The following SPIN1 variants were observed in gnomAD, a reference collection of about 807,000 sequenced individuals.
SPIN1 encodes spindlin-1.
In SPIN1, 3 loss-of-function variants were observed where a neutral mutation model predicts 26.0. The observed-to-expected ratio is 0.12, with a 90% CI of 0.05 to 0.30. SPIN1 has a LOEUF of 0.30. SPIN1 is among the 10% of genes least tolerant of loss of function. SPIN1 has a pLI of 1.00. For synonymous variants in SPIN1, 101 were observed against 116.5 expected, an observed-to-expected ratio of 0.87 and a Z score of 0.86; for missense variants, 126 against 333.4, an observed-to-expected ratio of 0.38 and a Z score of 4.84.
rs905653565 is a variant in SPIN1, at chr9:88,388,471, C to G, written c.-226C>G. On this transcript the variant is annotated 5_prime_UTR_variant, in exon 1 of 6. Coordinates refer to ENST00000375859, the MANE Select transcript of SPIN1 (RefSeq NM_006717.3). ...GGCGCCGTCTGGCTCAGGCTGGGGC[C>G]GGCGGGAGCGCGAACGAGCGACGGC... 6.8e-6 allele frequency: 1 copy of G among 147,922 alleles called. No homozygotes were observed. The highest frequency in any genetic ancestry group is 1.5e-5 in the Non-Finnish European group (1 of 66,458). 9.2% of individuals were successfully genotyped at this position (147,922 alleles called of 1,614,324 possible). A position where few individuals can be genotyped will look rare whatever the true frequency, so the allele number is the denominator to read the frequency against.
intron 1 of SPIN1, among the ~76,000 whole-genome samples, chr9:88,403,612 A>G (rs554462986): frequency 6.6e-6 from 1 of 152,192 alleles, no homozygotes; most frequent in African/African-American, 2.4e-5. Flanking sequence ...TCGGGAGGGT[A>G]ATGTGGGTGG....
intron 5 of SPIN1, among the ~76,000 whole-genome samples, chr9:88,472,712 C>T (rs1281932159): frequency 6.6e-6 from 1 of 152,208 alleles, no homozygotes; most frequent in African/African-American, 2.4e-5. Flanking sequence ...AGGATGGTCT[C>T]GATCTCCTGA....
chr9:88,446,023 A>G (rs1257306857), intron 2 of SPIN1, among the ~76,000 whole-genome samples: 2 of 151,924 alleles, frequency 1.3e-5, no homozygotes, highest in African/African-American at 4.8e-5. Context: ...TGGCATATTC[A>G]TGATGTATCT....
chr9:88,410,843 C>T lies in SPIN1; in HGVS notation c.-158-15539C>T, dbSNP rs1008847149. 10 of 917,460 alleles carry T rather than the reference C, an allele frequency of 1.1e-5. No individual in the cohort carries two copies. In the African/African-American group the frequency reaches 1.6e-4, roughly 15 times the overall value. The allele number at this position is 917,460 out of a possible 1,614,324, so 56.8% of individuals were successfully genotyped here. A position where few individuals can be genotyped will look rare whatever the true frequency, so the allele number is the denominator to read the frequency against. On this transcript the variant is annotated intron_variant, in intron 1 of 5. Coordinates refer to ENST00000375859, the MANE Select transcript of SPIN1 (RefSeq NM_006717.3). Reference sequence around the variant, plus strand: ...CCAGAGTTGTCATTCCCACTGAAACCACCTCCACGACCACCACGTTTCCAG... The same window carrying T: ...CCAGAGTTGTCATTCCCACTGAAACTACCTCCACGACCACCACGTTTCCAG...
chr9:88,410,860 C>T (rs1339836000), intron 1 of SPIN1: 15 of 928,128 alleles, frequency 1.6e-5, no homozygotes, highest in Middle Eastern at 3.2e-4. Flanking sequence ...ACGACCACCA[C>T]GTTTCCAGAA....
intron 1 of SPIN1, among the ~76,000 whole-genome samples, chr9:88,412,479 A>G (rs1377552676): frequency 6.6e-6 from 1 of 152,130 alleles, no homozygotes; most frequent in Non-Finnish European, 1.5e-5. Context: ...TCAAAGACCC[A>G]GAGAGACTGC....
chr9:88,473,665 G>A (rs911907653), intron 5 of SPIN1, among the ~76,000 whole-genome samples: 5 of 151,950 alleles, frequency 3.3e-5, no homozygotes, highest in South Asian at 2.1e-4. Flanking sequence ...GTGTGTGCAC[G>A]CGCTATGGAA....
In SPIN1 at chr9:88,462,560, T is replaced by A. The variant is rs777617889; in HGVS notation, c.166T>A (p.Cys56Ser). 6.2e-7 allele frequency: 1 copy of A among 1,614,182 alleles called. No homozygotes were observed. The highest frequency in any genetic ancestry group is 2.2e-5 in the East Asian group (1 of 44,884). ...CCAGCCCCGGCGGAACATCGTAGGCTGCAGGATTCAGCATGGGTGGAAAGA... is the reference window on the plus strand; with the variant it reads ...CCAGCCCCGGCGGAACATCGTAGGCAGCAGGATTCAGCATGGGTGGAAAGA... ...VSQPRRNIVG[C>S]RIQHGWKEGN... Residue 56 changes from cysteine (C) to serine (S), a missense_variant, in exon 4 of 6, where the codon TGC becomes AGC. Coordinates refer to ENST00000375859, the MANE Select transcript of SPIN1 (RefSeq NM_006717.3).
chr9:88,408,621 C>T (rs867882903), intron 1 of SPIN1, among the ~76,000 whole-genome samples: 13 of 151,430 alleles, frequency 8.6e-5, no homozygotes, highest in Admixed American at 3.3e-4. Flanking sequence ...ATGATCCACC[C>T]GCTTTGGCCT....
chr9:88,449,410 T>G (rs1041308852), intron 3 of SPIN1, among the ~76,000 whole-genome samples: 1 of 152,158 alleles, frequency 6.6e-6, no homozygotes, highest in Non-Finnish European at 1.5e-5. Context: ...CTGCCTAGCA[T>G]GGTGTCACAT....
chr9:88,422,800 C>T (rs1827695753), intron 1 of SPIN1, among the ~76,000 whole-genome samples: 1 of 151,722 alleles, frequency 6.6e-6, no homozygotes, highest in Non-Finnish European at 1.5e-5. Flanking sequence ...ACCTCTGCCT[C>T]CCGGGTTCAG....
rs142423417 is a variant in SPIN1, at chr9:88,429,812, C to T, written c.52+3221C>T. On this transcript the variant is annotated intron_variant, in intron 2 of 5. Coordinates refer to ENST00000375859, the MANE Select transcript of SPIN1 (RefSeq NM_006717.3). ...TGAAAGTCCTGATCCTTTAGTCATGCCTTGGTCCTACTAGAGACCAGTCCC... is the reference window on the plus strand; with the variant it reads ...TGAAAGTCCTGATCCTTTAGTCATGTCTTGGTCCTACTAGAGACCAGTCCC... Among the ~76,000 whole-genome samples the T allele has an allele frequency of 8.5e-5, 13 of 152,248 alleles. No homozygotes were observed. The East Asian group carries it at 1.5e-3, about 18-fold the overall frequency.
At chr9:88,407,512 A>G (rs1405868648) in intron 1 of SPIN1, among the ~76,000 whole-genome samples, 1 of 151,712 alleles carries the variant, frequency 6.6e-6, no homozygotes, top group African/African-American at 2.4e-5. Flanking sequence ...AGGTGTTAAA[A>G]TAAGCTATTG....
intron 1 of SPIN1, among the ~76,000 whole-genome samples, chr9:88,393,643 A>G (rs966128220): frequency 2.6e-5 from 4 of 151,098 alleles, no homozygotes; most frequent in Non-Finnish European, 5.9e-5. Flanking sequence ...TTTAGTAGAG[A>G]CGGGGGTTTC....
At chr9:88,441,398 C>CGCGCGTGTGTGTGTGTGTGTGTGT (rs757363030) in intron 2 of SPIN1, among the ~76,000 whole-genome samples, 8 of 137,800 alleles carry the variant, frequency 5.8e-5, no homozygotes, top group African/African-American at 2.3e-4. Context: ...TGCTGCCATT[C>CGCGCGTGTGTGTGTGTGTGTGTGT]GTGTGTGTGT....
rs1328414709 is a variant in SPIN1 at position 88,422,317 on chromosome 9, GTTTCCTTCAGTTT to G, written c.-158-4050_-158-4038del. Among the ~76,000 whole-genome samples the G allele has an allele frequency of 1.1e-4, 17 of 152,118 alleles. No homozygotes were observed. In the East Asian group the frequency reaches 1.5e-3, roughly 14 times the overall value. On this transcript the variant is annotated intron_variant, in intron 1 of 5. Coordinates refer to ENST00000375859, the MANE Select transcript of SPIN1 (RefSeq NM_006717.3). ...CTAACTCTGAATCTAAAATTTTTTT[GTTTCCTTCAGTTT>G]TTTCCTTCAGTTTTCATTTACAAAG...
At chr9:88,421,591 T>C (rs72755880) in intron 1 of SPIN1, among the ~76,000 whole-genome samples, 3,502 of 151,668 alleles carry the variant, frequency 0.023, 73 homozygotes, top group South Asian at 0.051. Context: ...AAGTGTCTTT[T>C]GTAGCTTTCG....
intron 2 of SPIN1, among the ~76,000 whole-genome samples, chr9:88,434,162 A>G (rs961961101): frequency 2.0e-5 from 3 of 152,118 alleles, no homozygotes; most frequent in African/African-American, 7.2e-5. Context: ...GAGTCTACAC[A>G]AAGTTCACTT....
At chr9:88,417,400 A>C (rs1330499997) in intron 1 of SPIN1, among the ~76,000 whole-genome samples, 1 of 152,188 alleles carries the variant, frequency 6.6e-6, no homozygotes, top group Non-Finnish European at 1.5e-5. Flanking sequence ...ACCTGGAAAT[A>C]GCATCACATC....
Sources: gnomAD v4.1 joint callset for allele counts (sites outside exome capture counted in the v4.1 genomes callset) on GRCh38, gnomAD v4.1.1 for gene constraint, MANE v1.5 for transcripts, NCBI Gene and HGNC (gene_info 2026-07-23, HGNC 2026-07-21) for gene names.